Variants in GOLGA4 observed in about 807,000 individuals in gnomAD.
GOLGA4 encodes the protein golgin subfamily A member 4.
GOLGA4 carries 169 observed loss-of-function variants against 265.9 expected under a neutral mutation model. The ratio of observed to expected loss-of-function variants is 0.64; its 90% CI spans 0.56 to 0.72. The LOEUF (loss-of-function observed/expected upper bound fraction) is 0.72, where lower values mean the gene tolerates loss of function less well. Ranked by LOEUF, GOLGA4 falls within the 30% of genes least tolerant of loss-of-function variation. The probability of loss-of-function intolerance (pLI) is 0.00; values close to 1 mark genes in which losing one functional copy is unlikely to be tolerated. For synonymous variants in GOLGA4, 923 were observed against 855.8 expected (o/e 1.08, Z -1.37); for missense variants, 2,482 against 2,483.4 (o/e 1.00, Z 0.01).
At chr3:37,276,787 A>G (rs1259250483) in intron 2 of GOLGA4, among the ~76,000 whole-genome samples, 1 of 152,226 alleles carries the variant, frequency 6.6e-6, no homozygotes, top group Non-Finnish European at 1.5e-5. Flanking sequence ...GAGACCATAT[A>G]ATAATTGTAT....
At chr3:37,318,291 C>T (rs529027215) in intron 11 of GOLGA4, among the ~76,000 whole-genome samples, 135 of 152,264 alleles carry the variant, frequency 8.9e-4, no homozygotes, top group Non-Finnish European at 3.8e-4. Context: ...AAGCAATCCT[C>T]CTGCCTTGGC....
chr3:37,267,960 G>C (rs912654949), intron 2 of GOLGA4, among the ~76,000 whole-genome samples: 1 of 152,150 alleles, frequency 6.6e-6, no homozygotes, highest in East Asian at 1.9e-4. Flanking sequence ...GGCTTAGCTT[G>C]GGTCTCAGGG....
chr3:37,262,568 C>G (rs1467198739), intron 2 of GOLGA4, among the ~76,000 whole-genome samples: 1 of 151,548 alleles, frequency 6.6e-6, no homozygotes, highest in Non-Finnish European at 1.5e-5. Context: ...CACAATAAAA[C>G]TCAGACTGAT....
intron 10 of GOLGA4, among the ~76,000 whole-genome samples, chr3:37,312,706 T>G (rs1166657607): frequency 1.3e-5 from 2 of 151,986 alleles, no homozygotes; most frequent in Non-Finnish European, 2.9e-5. Context: ...AATTTTTTTG[T>G]AGAGATGGGA....
At chr3:37,245,084 T>C (rs770763352) in intron 1 of GOLGA4, among the ~76,000 whole-genome samples, 11 of 152,236 alleles carry the variant, frequency 7.2e-5, no homozygotes, top group Non-Finnish European at 1.2e-4. Flanking sequence ...TCAATGTTGT[T>C]TTAATAGGTT....
rs1246229458 is a variant in GOLGA4, at chr3:37,337,750, G to A, written c.6396+16G>A. On this transcript the variant is annotated intron_variant, in intron 19 of 23. Coordinates refer to ENST00000361924, the MANE Select transcript of GOLGA4 (RefSeq NM_002078.5). The stretch of plus-strand genomic sequence containing the variant: ...CAGAGAACAGGTACAGGCCTAATTG[G>A]TACCTTTTATTTTGAACTAAAGTTT... The A allele has an allele frequency of 5.3e-6, 8 of 1,518,046 alleles. No homozygotes were observed. In the Admixed American group the frequency reaches 1.0e-4, roughly 19 times the overall value. The allele number at this position is 1,518,046 out of a possible 1,614,324, so 94.0% of individuals were successfully genotyped here. A position where few individuals can be genotyped will look rare whatever the true frequency, so the allele number is the denominator to read the frequency against.
At chr3:37,285,987 C>G in intron 3 of GOLGA4, 27 bp from the exon 4 acceptor site, 3 of 1,379,644 alleles carry the variant, frequency 2.2e-6, no homozygotes, top group Non-Finnish European at 3.0e-6. Context: ...TTAGGAATGA[C>G]TAATGTTGTT....
At chr3:37,263,553 G>C (rs1314518060) in intron 2 of GOLGA4, among the ~76,000 whole-genome samples, 1 of 152,094 alleles carries the variant, frequency 6.6e-6, no homozygotes, top group Non-Finnish European at 1.5e-5. Context: ...TTGTTAAGCA[G>C]TGCAAGACTG....
chr3:37,329,196 G>A, intron 16 of GOLGA4, 103 bp downstream of exon 16: 2 of 971,344 alleles, frequency 2.1e-6, no homozygotes, highest in South Asian at 1.8e-5. Flanking sequence ...TGAACGAAAA[G>A]GGTTTTTTTT....
chr3:37,274,468 G>A (rs191303040), intron 2 of GOLGA4, among the ~76,000 whole-genome samples: 25 of 152,274 alleles, frequency 1.6e-4, no homozygotes, highest in Admixed American at 1.4e-3. Context: ...GAGGTAGGTG[G>A]ATCGCTTGAG....
intron 21 of GOLGA4, among the ~76,000 whole-genome samples, chr3:37,347,759 C>T (rs1394043387): frequency 6.6e-6 from 1 of 152,090 alleles, no homozygotes; most frequent in Non-Finnish European, 1.5e-5. Flanking sequence ...GAATATCGAT[C>T]ATTTAAAAAT....
chr3:37,268,680 G>C (rs565676546), intron 2 of GOLGA4, among the ~76,000 whole-genome samples: 1 of 151,624 alleles, frequency 6.6e-6, no homozygotes, highest in Non-Finnish European at 1.5e-5. Flanking sequence ...CAGGTGATCC[G>C]CCCACTTCAG....
At chr3:37,316,821 A>G (rs1049326529) in intron 11 of GOLGA4, among the ~76,000 whole-genome samples, 3 of 151,810 alleles carry the variant, frequency 2.0e-5, no homozygotes, top group African/African-American at 7.3e-5. Flanking sequence ...TTTTCCTTAT[A>G]GATGGATTTA....
chr3:37,324,185 G>A lies in GOLGA4; in HGVS notation c.2299G>A (p.Glu767Lys). The A allele has an allele frequency of 6.2e-7, 1 of 1,614,134 alleles. No individual in the cohort carries two copies. Among genetic ancestry groups the A allele is most frequent in the Non-Finnish European group, 8.5e-7 (1 of 1,180,016 alleles). Residue 767 changes from glutamate to lysine, a missense_variant, in exon 14 of 24, where the codon GAA becomes AAA. By Grantham distance (56) the Glu-to-Lys change is moderately conservative. Transcript: ENST00000361924. ...TAATCAACTTGAGCTTCTCTTGAAG[G>A]AAAGGGACAAGCATTTGAAAGAGCA... ...QINQLELLLK[E>K]RDKHLKEHQA... is the part of the protein sequence containing the mutation.
intron 7 of GOLGA4, among the ~76,000 whole-genome samples, chr3:37,297,932 G>A (rs963591042): frequency 6.6e-6 from 1 of 152,098 alleles, no homozygotes; most frequent in Non-Finnish European, 1.5e-5. Context: ...GGGAGGTTGA[G>A]GCAGGGGAAT....
intron 2 of GOLGA4, among the ~76,000 whole-genome samples, chr3:37,277,312 T>C (rs1451768899): frequency 6.6e-6 from 1 of 152,220 alleles, no homozygotes; most frequent in Non-Finnish European, 1.5e-5. Context: ...GACTTTATAA[T>C]GTGTTTTAGT....
chr3:37,362,197 TTTTA>T (rs144532752), intron 23 of GOLGA4, among the ~76,000 whole-genome samples: 23,824 of 135,154 alleles, frequency 0.18, 3,011 homozygotes, highest in African/African-American at 0.38. Flanking sequence ...TCTTTTAAGC[TTTTA>T]TTTATTTATT....
intron 2 of GOLGA4, among the ~76,000 whole-genome samples, chr3:37,254,315 T>G (rs2096742217): frequency 6.6e-6 from 1 of 152,172 alleles, no homozygotes; most frequent in Non-Finnish European, 1.5e-5. Context: ...CTCTGTACTT[T>G]TATGCAACTT....
chr3:37,348,190 A>G (rs1001465244), intron 21 of GOLGA4, among the ~76,000 whole-genome samples: 66 of 152,334 alleles, frequency 4.3e-4, no homozygotes, highest in African/African-American at 1.2e-3. Flanking sequence ...TAAAAAGCAA[A>G]TATCTTAAAA....
Sources: gnomAD v4.1 joint callset for allele counts (sites outside exome capture counted in the v4.1 genomes callset) on GRCh38, gnomAD v4.1.1 for gene constraint, MANE v1.5 for transcripts, NCBI Gene and HGNC (gene_info 2026-07-23, HGNC 2026-07-21) for gene names.